Variants in CD82 observed in about 807,000 individuals in gnomAD.
CD82 encodes the protein CD82 antigen.
Under a neutral mutation model 37.4 loss-of-function variants are expected in CD82, and 36 were observed. That is an observed-to-expected ratio of 0.96 (90% CI 0.74 to 1.27). The LOEUF is 1.27. CD82 is among the 50% of genes most tolerant of loss of function. The pLI is 0.00. For missense variants in CD82, 340 were observed against 347.0 expected (o/e 0.98, Z 0.16); for synonymous variants, 158 against 137.4 (o/e 1.15, Z -1.05).
At chr11:44,567,884 A>G (rs3924366) in intron 1 of CD82, among the ~76,000 whole-genome samples, 7,325 of 152,336 alleles carry the variant, frequency 0.048, 208 homozygotes, top group African/African-American at 0.066. Context: ...GAATGAAGAT[A>G]GTGTCTTGAG....
At chr11:44,616,190 C>A (rs187227084) in intron 7 of CD82, among the ~76,000 whole-genome samples, 1 of 152,130 alleles carries the variant, frequency 6.6e-6, no homozygotes, top group Admixed American at 6.5e-5. Flanking sequence ...CCTGACTCAG[C>A]GGCACCAGGA....
chr11:44,565,463 G>C, upstream of CD82: 1 of 152,044 alleles, frequency 6.6e-6, no homozygotes, highest in Non-Finnish European at 1.5e-5. Context: ...CTCAGCTCCA[G>C]CTGGGCCCGG....
At chr11:44,568,777 C>A (rs760217597) in intron 1 of CD82, among the ~76,000 whole-genome samples, 10 of 152,204 alleles carry the variant, frequency 6.6e-5, no homozygotes, top group Admixed American at 3.3e-4. Flanking sequence ...CTCCCACCGG[C>A]CATCCCCTTC....
intron 1 of CD82, among the ~76,000 whole-genome samples, chr11:44,570,832 A>C (rs913065397): frequency 3.3e-5 from 5 of 152,204 alleles, no homozygotes; most frequent in African/African-American, 4.8e-5. Context: ...TCTTGGAGTC[A>C]ACAATTGTTT....
In CD82 at chr11:44,597,759, T is replaced by C. The variant is rs898581962; in HGVS notation, c.64-2399T>C. ...GAATGGGGCAGGGGCTCTGCCCACATGGGTCTGAGATGCAGAGGGAGCAGA... is the reference window on the plus strand; with the variant it reads ...GAATGGGGCAGGGGCTCTGCCCACACGGGTCTGAGATGCAGAGGGAGCAGA... On this transcript the variant is annotated intron_variant, in intron 3 of 9. Coordinates refer to ENST00000227155, the MANE Select transcript of CD82 (RefSeq NM_002231.4). This position sits in a 1 kb window ranked among gnomAD's most constrained non-coding sequence, Gnocchi z 4.1. Among the ~76,000 whole-genome samples, 3 of 152,206 alleles carry C rather than the reference T, an allele frequency of 2.0e-5. No homozygotes were observed. The highest frequency in any genetic ancestry group is 7.2e-5 in the African/African-American group (3 of 41,462).
intron 1 of CD82, among the ~76,000 whole-genome samples, chr11:44,571,363 C>T (rs912962302): frequency 2.6e-5 from 4 of 152,142 alleles, no homozygotes; most frequent in Non-Finnish European, 5.9e-5. Flanking sequence ...GGATGATTCC[C>T]GCCTCTGCTA....
rs74885383 is a variant in CD82 at position 44,619,066 on chromosome 11, G to C, written c.744G>C (p.Leu248=). Residue 248 remains leucine (L), a synonymous_variant, in exon 10 of 10, where the codon CTG becomes CTC. Coordinates refer to ENST00000227155, the MANE Select transcript of CD82 (RefSeq NM_002231.4). ...CCCCACAGCTCCTGGGGATGGTCCT[G>C]TCCATCTGCTTGTGCCGGCACGTCC... ...VAIIELLGMV[L]SICLCRHVHS... is the part of the protein sequence containing the mutation. 3,548 of 1,613,774 alleles carry C rather than the reference G, an allele frequency of 2.2e-3. 73 individuals carry two copies. In the African/African-American group the frequency reaches 0.042, roughly 19 times the overall value.
chr11:44,573,625 C>T (rs1384598574), intron 1 of CD82, among the ~76,000 whole-genome samples: 3 of 152,218 alleles, frequency 2.0e-5, no homozygotes, highest in Non-Finnish European at 4.4e-5. Context: ...TGCCCCACAC[C>T]CTCTCCTGGC....
chr11:44,568,414 G>A (rs1368609569), intron 1 of CD82, among the ~76,000 whole-genome samples: 3 of 152,022 alleles, frequency 2.0e-5, no homozygotes, highest in Admixed American at 1.3e-4. Context: ...GGTGAGTGGC[G>A]GGGTTGCTGG....
chr11:44,601,298 C>T (rs1043001434), intron 4 of CD82, among the ~76,000 whole-genome samples: 16 of 152,108 alleles, frequency 1.1e-4, no homozygotes, highest in Non-Finnish European at 2.1e-4. Flanking sequence ...CCCCTGGCCC[C>T]AGGGGCTAGG....
rs1266169558 is a variant in CD82 at position 44,615,390 on chromosome 11, C to T, written c.438+17C>T. On this transcript the variant is annotated intron_variant, in intron 7 of 9. Coordinates refer to ENST00000227155, the MANE Select transcript of CD82 (RefSeq NM_002231.4). ...CAGGCTCAGGTGAGGTGGGGCGGGG[C>T]TGCAGGAGGCTCTCTGGCCTGGGTG... is the stretch of plus-strand genomic sequence containing the variant. 9 of 1,514,540 alleles carry T rather than the reference C, an allele frequency of 5.9e-6. No individual in the cohort carries two copies. Among genetic ancestry groups the T allele is most frequent in the Non-Finnish European group, 8.3e-6 (9 of 1,089,456 alleles). The allele number at this position is 1,514,540 out of a possible 1,614,324, so 93.8% of individuals were successfully genotyped here. A position where few individuals can be genotyped will look rare whatever the true frequency, so the allele number is the denominator to read the frequency against.
At chr11:44,583,751 A>G (rs188637407) in intron 1 of CD82, among the ~76,000 whole-genome samples, 2 of 152,336 alleles carry the variant, frequency 1.3e-5, no homozygotes, top group East Asian at 3.9e-4. Context: ...ATAATCTCTC[A>G]ATAATCTCTC....
rs201974709 is a variant in CD82 at position 44,618,609 on chromosome 11, G to C, written c.643-31G>C. 3.8e-5 allele frequency: 60 copies of C among 1,570,872 alleles called. No homozygotes were observed. In the African/African-American group the frequency reaches 7.3e-4, roughly 19 times the overall value. ...ATGGCGGGGTGGGATGGTGCAGAGC[G>C]GGGTGATGTGACCGCATTCTGCCCT... is the stretch of plus-strand genomic sequence containing the variant. On this transcript the variant is annotated intron_variant, in intron 8 of 9. Transcript: ENST00000227155.
chr11:44,604,721 A>G (rs1252272856), intron 4 of CD82: 7 of 360,778 alleles, frequency 1.9e-5, no homozygotes, highest in East Asian at 7.0e-5. Context: ...GCCCTCATGC[A>G]CCTCAGGTCC....
chr11:44,610,741 G>A (rs1853468794), intron 6 of CD82, among the ~76,000 whole-genome samples: 1 of 152,208 alleles, frequency 6.6e-6, no homozygotes, highest in Non-Finnish European at 1.5e-5. Context: ...GAGAAATGGG[G>A]AGGAGGGAGA....
intron 4 of CD82, among the ~76,000 whole-genome samples, chr11:44,603,108 C>T (rs1218252447): frequency 6.6e-6 from 1 of 152,124 alleles, no homozygotes. Flanking sequence ...AAGCCTCAAC[C>T]CAGGAAGTTT....
At chr11:44,610,282 A>T (rs939516782) in intron 6 of CD82, among the ~76,000 whole-genome samples, 4 of 152,098 alleles carry the variant, frequency 2.6e-5, no homozygotes, top group Non-Finnish European at 5.9e-5. Flanking sequence ...CCTAGCTGGG[A>T]CTTGGGTAGC....
At chr11:44,568,248 T>C (rs942479488) in intron 1 of CD82, among the ~76,000 whole-genome samples, 2 of 151,926 alleles carry the variant, frequency 1.3e-5, no homozygotes, top group Non-Finnish European at 2.9e-5. Flanking sequence ...GCTTTGGGGA[T>C]GTCTGCAACT....
chr11:44,606,070 C>T lies in CD82; in HGVS notation c.336+641C>T, dbSNP rs192586961. 3.6e-3 allele frequency: 551 copies of T among 152,626 alleles called. 4 individuals carry two copies. The highest frequency in any genetic ancestry group is 6.3e-3 in the Non-Finnish European group (427 of 68,298). The allele number at this position is 152,626 out of a possible 1,614,324, so 9.5% of individuals were successfully genotyped here. Reference sequence around the variant, plus strand: ...CCTGGTTCTGGCTGTTGAGCATCCTCGCTGGGATGGCTTTCCTGCATTATG... The same window carrying T: ...CCTGGTTCTGGCTGTTGAGCATCCTTGCTGGGATGGCTTTCCTGCATTATG... On this transcript the variant is annotated intron_variant, in intron 6 of 9. Transcript: ENST00000227155.
Sources: allele counts gnomAD v4.1 joint callset (sites outside exome capture counted in the v4.1 genomes callset), GRCh38; gene constraint gnomAD v4.1.1; non-coding constraint Gnocchi (gnomAD v3.1); transcripts MANE v1.5; gene names NCBI Gene and HGNC (gene_info 2026-07-23, HGNC 2026-07-21).